TTN: variants seen among roughly 807,000 people sequenced by gnomAD.
TTN encodes the protein connectin.
TTN carries 1,525 observed loss-of-function variants against 3,223.0 expected under a neutral mutation model. The ratio of observed to expected loss-of-function variants is 0.47; its 90% CI spans 0.45 to 0.49. The LOEUF (loss-of-function observed/expected upper bound fraction) is 0.49, where lower values mean the gene tolerates loss of function less well. Ranked by LOEUF, TTN falls within the 20% of genes least tolerant of loss-of-function variation. The probability of loss-of-function intolerance (pLI) is 0.00; values close to 1 mark genes in which losing one functional copy is unlikely to be tolerated. For synonymous variants in TTN, 14,094 were observed against 15,161.0 expected (o/e 0.93, Z 5.17); for missense variants, 40,786 against 43,424.0 (o/e 0.94, Z 5.40).
In TTN at chr2:178,618,851, C is replaced by T. The variant is rs1467982026; in HGVS notation, c.46699G>A (p.Ala15567Thr). 1 of 1,608,536 alleles carries T rather than the reference C, an allele frequency of 6.2e-7. No individual in the cohort carries two copies. The highest frequency in any genetic ancestry group is 8.5e-7 in the Non-Finnish European group (1 of 1,178,234). ...TGGTCAGCTGTCTTGATTTTTGGTG[C>T]AGCTAGTGAGAAAGATAACATGTGA... is the stretch of plus-strand genomic sequence containing the variant. ...EARAKLELAA[A>T]PKIKTADQDL... The change falls in exon 251 of 363, where the codon GCA becomes ACA. Residue 15567 changes from alanine (A) to threonine (T), a missense_variant and splice_region_variant. By Grantham distance (58) the Ala-to-Thr change is moderately conservative (BLOSUM62 0). Coordinates refer to ENST00000589042, the MANE Select transcript of TTN (RefSeq NM_001267550.2).
intron 121 of TTN, among the ~76,000 whole-genome samples, chr2:178,690,418 T>C (rs1370165455): frequency 6.6e-6 from 1 of 152,170 alleles, no homozygotes; most frequent in Non-Finnish European, 1.5e-5. Flanking sequence ...GGAAACACTC[T>C]AGAGTAGGTC....
chr2:178,693,107 G>A (rs2072877423), intron 119 of TTN, among the ~76,000 whole-genome samples: 1 of 151,940 alleles, frequency 6.6e-6, no homozygotes, highest in African/African-American at 2.4e-5. Context: ...ATGTGCAGTA[G>A]TACATTATAT....
At chr2:178,755,434 T>A (rs1199906023) in intron 46 of TTN, among the ~76,000 whole-genome samples, 1 of 152,102 alleles carries the variant, frequency 6.6e-6, no homozygotes, top group Non-Finnish European at 1.5e-5. Context: ...CAATTTTCAA[T>A]TTTCTATTTT....
At position 178,630,246 on chromosome 2, in the gene TTN, A is replaced by T; in HGVS notation, c.44276T>A (p.Val14759Asp). 2 of 1,613,044 alleles carry T rather than the reference A, an allele frequency of 1.2e-6. No homozygotes were observed. The highest frequency in any genetic ancestry group is 1.7e-6 in the Non-Finnish European group (2 of 1,179,382). ...GAAAAATATACAATACTTACGCTTA[A>T]CTCGGAGGTGGGCACTAGATTTAAC... The part of the protein sequence containing the change: ...ANVKSSAHLR[V>D]KPRVIGLLRP... Residue 14759 changes from valine to aspartate, a missense_variant, in exon 239 of 363, where the codon GTT (valine) becomes GAT (aspartate). Transcript: ENST00000589042.
Position 178,576,515 on chromosome 2 carries a change from A to G in TTN, c.69715+14T>C. 6.2e-7 allele frequency: 1 copy of G among 1,609,576 alleles called. No homozygotes were observed. Among genetic ancestry groups the G allele is most frequent in the Non-Finnish European group, 8.5e-7 (1 of 1,178,776 alleles). On this transcript the variant is annotated intron_variant, in intron 325 of 362. Transcript: ENST00000589042. The surrounding 1 kb of genome is among the most constrained non-coding windows in gnomAD (Gnocchi z 4.3). The stretch of plus-strand genomic sequence containing the variant: ...ACTCTGGAATGAACGGTGTTGAAAA[A>G]GACAAATACTAACATGCTGCATCTT...
At chr2:178,805,343 C>CAAAAAAA (rs34870064) in intron 1 of TTN, among the ~76,000 whole-genome samples, 40 of 89,826 alleles carry the variant, frequency 4.5e-4, no homozygotes, top group African/African-American at 1.7e-3. Flanking sequence ...GACTCTGTCT[C>CAAAAAAA]AAAAAAAAAA....
intron 34 of TTN, 34 bp downstream of exon 34, chr2:178,771,177 A>G (rs199849598): frequency 2.4e-5 from 39 of 1,613,128 alleles, no homozygotes; most frequent in East Asian, 4.5e-5. Context: ...AGATTGTAAT[A>G]TGATTTGAAA....
chr2:178,543,036 C>CTTTT, intron 347 of TTN, 33 bp downstream of exon 347: 2 of 1,391,938 alleles, frequency 1.4e-6, no homozygotes, highest in African/African-American at 1.5e-5. Context: ...TTTTACTTTA[C>CTTTT]TTTTTTTTTT....
chr2:178,759,718 A>G (rs1392913796), intron 43 of TTN, among the ~76,000 whole-genome samples: 1 of 152,234 alleles, frequency 6.6e-6, no homozygotes, highest in Non-Finnish European at 1.5e-5. Context: ...AATGAGCAAA[A>G]GGTTTCAGTA....
chr2:178,773,660 A>C lies in TTN; in HGVS notation c.7396T>G (p.Cys2466Gly). Residue 2466 changes from cysteine (C) to glycine (G), a missense_variant, in exon 32 of 363, where the codon TGT (cysteine) becomes GGT (glycine). Coordinates refer to ENST00000589042, the MANE Select transcript of TTN (RefSeq NM_001267550.2). ...GTCACATCAGGGACTGACACCTTAC[A>C]TTCAAGCACAGCCTTGGTGCCTTCA... ...VIEGTKAVLE[C>G]KVSVPDVTSV... The C allele has an allele frequency of 6.2e-7, 1 of 1,614,060 alleles. No individual in the cohort carries two copies. The highest frequency in any genetic ancestry group is 8.5e-7 in the Non-Finnish European group (1 of 1,179,972).
rs1307467138 is a variant in TTN, at chr2:178,617,395, T to G, written c.47690A>C (p.Glu15897Ala). The G allele has an allele frequency of 6.3e-7, 1 of 1,590,694 alleles. No homozygotes were observed. Among genetic ancestry groups the G allele is most frequent in the East Asian group, 2.3e-5 (1 of 44,262 alleles). ...GGSPILGYII[E>A]RCEEGKDNWI... ...ATTATCTTTTCCTTCTTCGCATCGC[T>G]CAATTATATAGCCTAATATTGGGCT... is the stretch of plus-strand genomic sequence containing the variant. Residue 15897 changes from glutamate to alanine, a missense_variant, in exon 254 of 363, where the codon GAG (glutamate) becomes GCG (alanine). Transcript: ENST00000589042.
At chr2:178,778,804 C>G in intron 24 of TTN, 70 bp downstream of exon 24, 1 of 1,603,648 alleles carries the variant, frequency 6.2e-7, no homozygotes, top group Non-Finnish European at 8.5e-7. Flanking sequence ...TACACAATAG[C>G]AATTTGCTAC....
rs1577270817 is a variant in TTN at position 178,676,180 on chromosome 2, G to A, written c.34379-185C>T. 2.0e-5 allele frequency: 11 copies of A among 556,254 alleles called. No homozygotes were observed. In the East Asian group the frequency reaches 3.2e-4, roughly 16 times the overall value. The allele number at this position is 556,254 out of a possible 1,614,324, so 34.5% of individuals were successfully genotyped here. A position where few individuals can be genotyped will look rare whatever the true frequency, so the allele number is the denominator to read the frequency against. On this transcript the variant is annotated intron_variant, in intron 147 of 362. Coordinates refer to ENST00000589042, the MANE Select transcript of TTN (RefSeq NM_001267550.2). Reference sequence around the variant, plus strand: ...GTAAAGCAAGGGACCAGCAGCATATGTCATTATCAGAGGACAGATGCTATT... The same window carrying A: ...GTAAAGCAAGGGACCAGCAGCATATATCATTATCAGAGGACAGATGCTATT...
intron 99 of TTN, among the ~76,000 whole-genome samples, chr2:178,708,154 C>T (rs763473508): frequency 8.5e-5 from 13 of 152,226 alleles, no homozygotes; most frequent in African/African-American, 2.2e-4. Context: ...CTGTGTACAG[C>T]GGTGTTTTTG....
At chr2:178,659,614 T>C (rs1224969188) in intron 180 of TTN, among the ~76,000 whole-genome samples, 2 of 144,178 alleles carry the variant, frequency 1.4e-5, no homozygotes, top group African/African-American at 5.0e-5. Flanking sequence ...ACTGGAAGCA[T>C]TCCCTTTGAA....
rs1183039680 is a variant in TTN at position 178,570,117 on chromosome 2, A to G, written c.76015T>C (p.Tyr25339His). The change falls in exon 326 of 363, where the codon TAT (tyrosine) becomes CAT (histidine). Residue 25339 changes from tyrosine to histidine, a missense_variant. Physicochemically the swap from Tyr to His is moderately conservative, Grantham distance 83 (BLOSUM62 2). Transcript: ENST00000589042. Reference sequence around the variant, plus strand: ...TCTTTATCCCGTTTCTCAAGAACATATCCAAGAATTTCACTACCACCATCA... The same window carrying G: ...TCTTTATCCCGTTTCTCAAGAACATGTCCAAGAATTTCACTACCACCATCA... ...ASDGGSEILGYVLEKRDKEGI... is the reference protein window; with the variant it reads ...ASDGGSEILGHVLEKRDKEGI... 1 of 1,613,468 alleles carries G rather than the reference A, an allele frequency of 6.2e-7. No individual in the cohort carries two copies. Among genetic ancestry groups the G allele is most frequent in the African/African-American group, 1.3e-5 (1 of 74,986 alleles).
chr2:178,772,012 G>C (rs2091575405), intron 33 of TTN, among the ~76,000 whole-genome samples: 1 of 152,092 alleles, frequency 6.6e-6, no homozygotes, highest in African/African-American at 2.4e-5. Flanking sequence ...TAACAAGCTA[G>C]TTGCTTATGT....
At chr2:178,745,517 A>G in intron 47 of TTN, 1 of 1,592,392 alleles carries the variant, frequency 6.3e-7, no homozygotes, top group East Asian at 2.3e-5. Context: ...TTAGATCCAC[A>G]TAATTTGGAA....
Position 178,592,366 on chromosome 2 carries a change from G to C in TTN, c.59626+13C>G. ...AAATTTATTTTTAATGGCCTAAGTA[G>C]TAAAATTCTTACCTAATACAAGTAC... On this transcript the variant is annotated intron_variant, in intron 301 of 362. Coordinates refer to ENST00000589042, the MANE Select transcript of TTN (RefSeq NM_001267550.2). The C allele has an allele frequency of 6.2e-7, 1 of 1,607,888 alleles. No homozygotes were observed. The highest frequency in any genetic ancestry group is 8.5e-7 in the Non-Finnish European group (1 of 1,178,314).
Sources: allele counts gnomAD v4.1 joint callset (sites outside exome capture counted in the v4.1 genomes callset), GRCh38; gene constraint gnomAD v4.1.1; non-coding constraint Gnocchi (gnomAD v3.1); transcripts MANE v1.5; gene names NCBI Gene and HGNC (gene_info 2026-07-23, HGNC 2026-07-21).